The following FMO1 variants were observed in gnomAD, a reference collection of about 807,000 sequenced individuals.
FMO1 encodes the protein flavin containing dimethylaniline monoxygenase 1.
Under a neutral mutation model 45.4 loss-of-function variants are expected in FMO1, and 36 were observed. The observed-to-expected ratio is 0.79, with a 90% CI of 0.61 to 1.05. The LOEUF (loss-of-function observed/expected upper bound fraction) is 1.05. FMO1 is among the 50% of genes least tolerant of loss of function. FMO1 has a pLI of 0.00. For missense variants in FMO1, 615 were observed against 640.3 expected (o/e 0.96, Z 0.43); for synonymous variants, 228 against 227.2 (o/e 1.00, Z -0.03).
chr1:171,283,088 T>C, intron 7 of FMO1, 56 bp from the exon 8 acceptor site: 4 of 906,650 alleles, frequency 4.4e-6, no homozygotes, highest in Non-Finnish European at 5.4e-6. Flanking sequence ...TATCCATAAG[T>C]CAACAGCTAG....
At chr1:171,283,569 G>A (rs144024000) in intron 8 of FMO1, among the ~76,000 whole-genome samples, 1 of 152,224 alleles carries the variant, frequency 6.6e-6, no homozygotes, top group East Asian at 1.9e-4. Flanking sequence ...ATAATCAACA[G>A]GCAAGCAGTT....
intron 6 of FMO1, among the ~76,000 whole-genome samples, chr1:171,281,600 C>T (rs1661361342): frequency 6.6e-6 from 1 of 152,156 alleles, no homozygotes; most frequent in Admixed American, 6.5e-5. Flanking sequence ...AAACTTTTTC[C>T]TAGGAAGAGA....
chr1:171,257,319 T>C (rs1374815596), intron 1 of FMO1, among the ~76,000 whole-genome samples: 3 of 152,188 alleles, frequency 2.0e-5, no homozygotes. Context: ...CATGGCCTGG[T>C]GCCAGAAGAT....
At chr1:171,252,977 G>A (rs149697485) in intron 1 of FMO1, among the ~76,000 whole-genome samples, 1 of 152,188 alleles carries the variant, frequency 6.6e-6, no homozygotes, top group Non-Finnish European at 1.5e-5. Flanking sequence ...TTTGATCTGA[G>A]AGTGAAGCTG....
intron 3 of FMO1, among the ~76,000 whole-genome samples, chr1:171,270,086 C>T (rs534596509): frequency 1.5e-3 from 230 of 152,264 alleles, no homozygotes; most frequent in African/African-American, 5.2e-3. Context: ...AATGTGGGAA[C>T]TGCAAAATAT....
downstream of FMO1, chr1:171,285,966 T>G (rs914330655): frequency 6.5e-6 from 1 of 153,430 alleles, no homozygotes; most frequent in African/African-American, 2.4e-5. Context: ...TAAAAATTGA[T>G]TGTTTTAAGT....
At chr1:171,275,031 T>A (rs886577668) in intron 3 of FMO1, among the ~76,000 whole-genome samples, 1 of 152,206 alleles carries the variant, frequency 6.6e-6, no homozygotes, top group Non-Finnish European at 1.5e-5. Flanking sequence ...TGAGGTTGCA[T>A]AACAGAAAGG....
intron 2 of FMO1, among the ~76,000 whole-genome samples, chr1:171,262,232 C>A (rs1003302300): frequency 6.6e-6 from 1 of 151,918 alleles, no homozygotes; most frequent in African/African-American, 2.4e-5. Context: ...GTCAGGAGTT[C>A]GAGACCAGCC....
intron 1 of FMO1, among the ~76,000 whole-genome samples, chr1:171,255,825 A>G (rs185405995): frequency 6.6e-6 from 1 of 152,238 alleles, no homozygotes; most frequent in African/African-American, 2.4e-5. Flanking sequence ...ATGTCATGCT[A>G]TGGTCAGACC....
chr1:171,282,660 G>C (rs905072967), intron 7 of FMO1: 6 of 246,134 alleles, frequency 2.4e-5, no homozygotes, highest in Non-Finnish European at 4.7e-5. Flanking sequence ...AGACTAGTGT[G>C]CAGTGGCTAT....
chr1:171,259,758 G>C (rs1473328295), intron 2 of FMO1, among the ~76,000 whole-genome samples: 1 of 152,158 alleles, frequency 6.6e-6, no homozygotes, highest in African/African-American at 2.4e-5. Flanking sequence ...AAAAATCACT[G>C]ATCTAAGAAT....
chr1:171,285,495 T>A lies in FMO1; in HGVS notation c.1550T>A (p.Val517Asp), dbSNP rs1302964364. Reference sequence around the variant, plus strand: ...TCTCCCTTTGAAAGTTTTCTTAAAGTCTTTAGCTTTCTGGCTTTGCTTGTG... The same window carrying A: ...TCTCCCTTTGAAAGTTTTCTTAAAGACTTTAGCTTTCTGGCTTTGCTTGTG... Reference protein sequence around the residue: ...SPSPFESFLKVFSFLALLVAI... With the variant: ...SPSPFESFLKDFSFLALLVAI... Residue 517 changes from valine (V) to aspartate (D), a missense_variant, in exon 9 of 9, where the codon GTC becomes GAC. Transcript: ENST00000617670. 2 of 1,519,482 alleles carry A rather than the reference T, an allele frequency of 1.3e-6. No individual in the cohort carries two copies. Among genetic ancestry groups the A allele is most frequent in the Non-Finnish European group, 1.8e-6 (2 of 1,136,270 alleles). 94.1% of individuals were successfully genotyped at this position (1,519,482 alleles called of 1,614,324 possible). A position where few individuals can be genotyped will look rare whatever the true frequency, so the allele number is the denominator to read the frequency against.
At chr1:171,279,454 G>A (rs1661264342) in intron 5 of FMO1, among the ~76,000 whole-genome samples, 1 of 152,158 alleles carries the variant, frequency 6.6e-6, no homozygotes, top group South Asian at 2.1e-4. Flanking sequence ...CCAAGGCTTA[G>A]AGAAGTTAAA....
intron 3 of FMO1, among the ~76,000 whole-genome samples, chr1:171,272,908 A>G (rs550946512): frequency 9.2e-5 from 14 of 152,282 alleles, no homozygotes; most frequent in African/African-American, 3.4e-4. Flanking sequence ...TTGGGGGGGA[A>G]CTGTTGGGAA....
chr1:171,259,342 T>C (rs1176942728), intron 2 of FMO1, among the ~76,000 whole-genome samples: 2 of 152,176 alleles, frequency 1.3e-5, no homozygotes, highest in Non-Finnish European at 2.9e-5. Context: ...CCAAATGTGA[T>C]CATCAATGCA....
At chr1:171,270,936 A>C (rs1386251567) in intron 3 of FMO1, 9 of 812,422 alleles carry the variant, frequency 1.1e-5, no homozygotes, top group Admixed American at 6.6e-5. Context: ...GAGAAAAAAA[A>C]CCGCTAGAAC....
chr1:171,279,180 C>T (rs1661252462), intron 5 of FMO1, among the ~76,000 whole-genome samples: 1 of 150,440 alleles, frequency 6.6e-6, no homozygotes. Flanking sequence ...TCAGAAAATT[C>T]TACCAACTTT....
At chr1:171,261,738 A>G (rs1261822853) in intron 2 of FMO1, among the ~76,000 whole-genome samples, 3 of 152,198 alleles carry the variant, frequency 2.0e-5, no homozygotes, top group African/African-American at 7.2e-5. Flanking sequence ...AAAAGGAAAA[A>G]AAAGACAAAA....
At chr1:171,282,371 T>G in intron 7 of FMO1, 38 bp downstream of exon 7, 2 of 1,345,410 alleles carry the variant, frequency 1.5e-6, no homozygotes, top group South Asian at 2.6e-5. Flanking sequence ...GTTTTTGGTG[T>G]GCCATGTGAT....
Sources: allele counts gnomAD v4.1 joint callset (sites outside exome capture counted in the v4.1 genomes callset), GRCh38; gene constraint gnomAD v4.1.1; transcripts MANE v1.5; gene names NCBI Gene and HGNC (gene_info 2026-07-23, HGNC 2026-07-21).